ABCA9: variants seen among roughly 807,000 people sequenced by gnomAD.
The protein encoded by ABCA9 is ATP binding cassette subfamily A member 9.
ABCA9 carries 183 observed loss-of-function variants against 205.3 expected under a neutral mutation model. The ratio of observed to expected loss-of-function variants is 0.89; its 90% CI spans 0.79 to 1.01. ABCA9 has a LOEUF of 1.01. ABCA9 is among the 50% of genes least tolerant of loss of function. ABCA9 has a pLI of 0.00. For missense variants in ABCA9, 1,805 were observed against 1,912.4 expected, an observed-to-expected ratio of 0.94 and a Z score of 1.05; for synonymous variants, 651 against 683.3, an observed-to-expected ratio of 0.95 and a Z score of 0.74.
At chr17:69,018,050 T>C (rs2070686200) in intron 20 of ABCA9, 4 of 425,640 alleles carry the variant, frequency 9.4e-6, no homozygotes, top group Non-Finnish European at 1.2e-5. Context: ...ATTATAATCC[T>C]TGAAGCTATT....
intron 15 of ABCA9, among the ~76,000 whole-genome samples, chr17:69,026,700 T>C (rs2144332339): frequency 6.6e-6 from 1 of 152,346 alleles, no homozygotes; most frequent in Non-Finnish European, 1.5e-5. Flanking sequence ...TTAAAGGATC[T>C]GTTTCAGTTA....
At chr17:68,979,328 G>A (rs1219234035) in intron 37 of ABCA9, among the ~76,000 whole-genome samples, 5 of 152,142 alleles carry the variant, frequency 3.3e-5, no homozygotes, top group African/African-American at 1.2e-4. Context: ...TGGGTAGGAA[G>A]AATCAACAAC....
chr17:69,009,057 T>C (rs2070271747), intron 23 of ABCA9, among the ~76,000 whole-genome samples: 2 of 152,216 alleles, frequency 1.3e-5, no homozygotes, highest in Non-Finnish European at 2.9e-5. Flanking sequence ...AGCTTGCTAT[T>C]TTCTATTCAT....
intron 6 of ABCA9, among the ~76,000 whole-genome samples, chr17:69,039,767 C>T (rs981757302): frequency 1.3e-5 from 2 of 152,114 alleles, no homozygotes; most frequent in African/African-American, 4.8e-5. Context: ...AGTGAACAGG[C>T]AACCTACAGA....
intron 8 of ABCA9, 31 bp from the exon 9 acceptor site, chr17:69,033,904 AG>A: frequency 6.7e-7 from 1 of 1,501,382 alleles, no homozygotes; most frequent in Non-Finnish European, 9.1e-7. Flanking sequence ...GAATTTTAAA[AG>A]AATTAATATG....
chr17:68,988,958 A>C, intron 31 of ABCA9, 69 bp downstream of exon 31: 1 of 923,732 alleles, frequency 1.1e-6, no homozygotes, highest in East Asian at 2.4e-5. Flanking sequence ...TCAACTACAT[A>C]GTCTATTATT....
intron 2 of ABCA9, 98 bp from the exon 3 acceptor site, chr17:69,049,588 G>T: frequency 1.0e-6 from 1 of 987,782 alleles, no homozygotes; most frequent in Non-Finnish European, 1.4e-6. Flanking sequence ...CTGTTATTTG[G>T]CTTGCATTCC....
At chr17:68,985,022 C>T (rs1252935695) in intron 33 of ABCA9, 31 bp downstream of exon 33, 1 of 1,614,110 alleles carries the variant, frequency 6.2e-7, no homozygotes, top group African/African-American at 1.3e-5. Context: ...ATCTACGGCA[C>T]TTGCAGAGCA....
the ABCA9 span, among the ~76,000 whole-genome samples, chr17:69,078,028 CT>C: frequency 3.2e-4 from 49 of 152,008 alleles, no homozygotes; most frequent in Non-Finnish European, 6.8e-4. Flanking sequence ...TTAGCACCCC[CT>C]GAAAACAATA....
In ABCA9 at chr17:69,035,664, G is replaced by A. The variant is rs375776691; in HGVS notation, c.938C>T (p.Ser313Phe). 1 of 1,613,220 alleles carries A rather than the reference G, an allele frequency of 6.2e-7. No individual in the cohort carries two copies. The highest frequency in any genetic ancestry group is 8.5e-7 in the Non-Finnish European group (1 of 1,179,690). ...VFTLFLLYGL[S>F]LITLAFLMSV... ...AGATGAAATTAACCAACTCACCAAA[G>A]ACAGGCCATAGAGGAGAAAGAGGGT... The change falls in exon 7 of 39, where the codon TCT (serine) becomes TTT (phenylalanine). Residue 313 changes from serine to phenylalanine, a missense_variant. Physicochemically the swap from Ser to Phe is radical, Grantham distance 155. Transcript: ENST00000340001.
At chr17:69,000,084 C>G (rs1353402951) in intron 25 of ABCA9, among the ~76,000 whole-genome samples, 1 of 151,136 alleles carries the variant, frequency 6.6e-6, no homozygotes, top group Non-Finnish European at 1.5e-5. Flanking sequence ...GTTGCCTGTT[C>G]ACTCTGATGG....
At chr17:69,063,097 C>T (rs1057480178), upstream of ABCA9, among the ~76,000 whole-genome samples, 10 of 152,112 alleles carry the variant, frequency 6.6e-5, no homozygotes, top group Admixed American at 2.6e-4. Flanking sequence ...TGGTGAGTAG[C>T]GGAAACTGAG....
intron 22 of ABCA9, 124 bp downstream of exon 22, chr17:69,016,121 TATACACAC>T (rs1567944961): frequency 5.0e-5 from 12 of 238,922 alleles, no homozygotes; most frequent in Non-Finnish European, 7.8e-5. Context: ...TATATATATA[TATACACAC>T]ACACACACAC....
chr17:69,032,711 T>C (rs1210664148), intron 9 of ABCA9: 1 of 155,232 alleles, frequency 6.4e-6, no homozygotes, highest in Non-Finnish European at 1.4e-5. Flanking sequence ...GCAATTCTCC[T>C]GCTTGTGATT....
chr17:69,007,880 C>T lies in ABCA9; in HGVS notation c.3322-8G>A, dbSNP rs2070206766. On this transcript the variant is annotated splice_polypyrimidine_tract_variant and splice_region_variant and intron_variant, in intron 24 of 38. Coordinates refer to ENST00000340001, the MANE Select transcript of ABCA9 (RefSeq NM_080283.4). Reference sequence around the variant, plus strand: ...GCCAATACTACACAGGATCTGAAAACAGAAATGTTAAGGTCCAATAAGGTA... The same window carrying T: ...GCCAATACTACACAGGATCTGAAAATAGAAATGTTAAGGTCCAATAAGGTA... 3 of 1,561,864 alleles carry T rather than the reference C, an allele frequency of 1.9e-6. No individual in the cohort carries two copies. The highest frequency in any genetic ancestry group is 2.6e-6 in the Non-Finnish European group (3 of 1,136,414).
intron 6 of ABCA9, 23 bp downstream of exon 6, chr17:69,043,466 T>C (rs1209691648): frequency 2.0e-6 from 3 of 1,524,246 alleles, no homozygotes; most frequent in Admixed American, 1.9e-5. Flanking sequence ...TGCTGTATAA[T>C]GGATTGGAGT....
rs892351153 is a variant in ABCA9 at position 69,051,102 on chromosome 17, C to T, written c.25G>A (p.Gly9Ser). 3.7e-6 allele frequency: 6 copies of T among 1,613,402 alleles called. No individual in the cohort carries two copies. Among genetic ancestry groups the T allele is most frequent in the Non-Finnish European group, 4.2e-6 (5 of 1,179,760 alleles). ...CAGAGAAGAGCCCATGTTTGCTGAC[C>T]CACGCTCATGCGTCTCTTGCTCATT... MSKRRMSV[G>S]QQTWALLCKN... Residue 9 changes from glycine (G) to serine (S), a missense_variant, in exon 2 of 39, where the codon GGT becomes AGT. Gly to Ser is a moderately conservative substitution (Grantham distance 56). Coordinates refer to ENST00000340001, the MANE Select transcript of ABCA9 (RefSeq NM_080283.4).
chr17:69,074,801 A>G, the ABCA9 span, among the ~76,000 whole-genome samples: 2 of 152,152 alleles, frequency 1.3e-5, no homozygotes, highest in African/African-American at 4.8e-5. Flanking sequence ...ATACCCAATA[A>G]TGGGATTGCT....
chr17:68,988,705 G>T (rs2069333059), intron 31 of ABCA9, among the ~76,000 whole-genome samples: 1 of 152,158 alleles, frequency 6.6e-6, no homozygotes, highest in South Asian at 2.1e-4. Context: ...GGTTTCTGGT[G>T]TCATGCTGGG....
Sources: gnomAD v4.1 joint callset for allele counts (sites outside exome capture counted in the v4.1 genomes callset) on GRCh38, gnomAD v4.1.1 for gene constraint, MANE v1.5 for transcripts, NCBI Gene and HGNC (gene_info 2026-07-23, HGNC 2026-07-21) for gene names.